The following MAPK10 variants were observed in gnomAD, a reference collection of about 807,000 sequenced individuals.
MAPK10 encodes the protein mitogen-activated protein kinase 10.
In MAPK10, 25 loss-of-function variants were observed where a neutral mutation model predicts 59.3. The observed-to-expected ratio is 0.42, with a 90% CI of 0.31 to 0.59. MAPK10 has a LOEUF of 0.59. MAPK10 is among the 20% of genes least tolerant of loss of function. The pLI is 0.15. For missense variants in MAPK10, 351 were observed against 568.9 expected (o/e 0.62, Z 3.90); for synonymous variants, 190 against 200.5 (o/e 0.95, Z 0.44).
At chr4:86,419,449 C>T (rs1017010739) in intron 1 of MAPK10, among the ~76,000 whole-genome samples, 7 of 152,146 alleles carry the variant, frequency 4.6e-5, no homozygotes, top group African/African-American at 1.7e-4. Context: ...ACAACTTATG[C>T]AGCATTATCT....
chr4:86,093,341 C>A (rs907763224), intron 9 of MAPK10, among the ~76,000 whole-genome samples: 3 of 151,868 alleles, frequency 2.0e-5, no homozygotes, highest in African/African-American at 7.2e-5. Context: ...GACAAATTTT[C>A]TCTCAATGAA....
chr4:86,070,978 CA>C (rs1406193258), intron 9 of MAPK10, among the ~76,000 whole-genome samples: 1 of 152,010 alleles, frequency 6.6e-6, no homozygotes, highest in East Asian at 1.9e-4. Flanking sequence ...CTGACTTCCA[CA>C]ATGGTTGAAC....
intron 6 of MAPK10, 23 bp from the exon 7 acceptor site, chr4:86,102,055 T>G: frequency 6.2e-7 from 1 of 1,611,170 alleles, no homozygotes; most frequent in Non-Finnish European, 8.5e-7. Context: ...ATCCACAGTG[T>G]TAGTTCCAGA....
At chr4:86,256,975 A>ATT (rs201315197) in intron 2 of MAPK10, among the ~76,000 whole-genome samples, 1 of 125,434 alleles carries the variant, frequency 8.0e-6, no homozygotes, top group African/African-American at 4.3e-5. Flanking sequence ...GATGGTCTCG[A>ATT]TCTTAACCTC....
At chr4:86,435,796 G>C (rs1209513664) in intron 1 of MAPK10, among the ~76,000 whole-genome samples, 1 of 152,106 alleles carries the variant, frequency 6.6e-6, no homozygotes, top group Admixed American at 6.6e-5. Flanking sequence ...GGCTTACTTA[G>C]TTAATAGTAT....
chr4:86,189,434 T>C (rs1038458861), intron 3 of MAPK10, among the ~76,000 whole-genome samples: 38 of 152,106 alleles, frequency 2.5e-4, no homozygotes, highest in African/African-American at 8.2e-4. Context: ...TTCAGCCATG[T>C]TTTGTAGTTC....
intron 1 of MAPK10, among the ~76,000 whole-genome samples, chr4:86,545,033 T>G (rs1759037267): frequency 6.6e-6 from 1 of 152,204 alleles, no homozygotes; most frequent in African/African-American, 2.4e-5. Context: ...TGGCCATGTT[T>G]CTGTGTTGTT....
chr4:86,255,807 T>C (rs1013275473), intron 2 of MAPK10, among the ~76,000 whole-genome samples: 1 of 152,206 alleles, frequency 6.6e-6, no homozygotes, highest in Non-Finnish European at 1.5e-5. Context: ...TATTTAGTAA[T>C]GTTATTTGTC....
At chr4:86,124,705 T>G (rs1041432221) in intron 4 of MAPK10, 2 of 152,068 alleles carry the variant, frequency 1.3e-5, no homozygotes, top group Non-Finnish European at 2.9e-5. Flanking sequence ...GATTCCATAA[T>G]CATACTTTAG....
At chr4:86,589,553 G>T (rs1375491622) in intron 1 of MAPK10, among the ~76,000 whole-genome samples, 2 of 151,910 alleles carry the variant, frequency 1.3e-5, no homozygotes, top group Non-Finnish European at 2.9e-5. Context: ...GTGGTGGCTT[G>T]TGCCTGTAAT....
intron 1 of MAPK10, among the ~76,000 whole-genome samples, chr4:86,380,972 G>T (rs1189130138): frequency 6.6e-6 from 1 of 151,936 alleles, no homozygotes; most frequent in Middle Eastern, 3.2e-3. Flanking sequence ...CGCCTCATTT[G>T]TAACAACCCT....
intron 1 of MAPK10, among the ~76,000 whole-genome samples, chr4:86,445,532 C>A (rs1288126817): frequency 2.0e-5 from 3 of 152,132 alleles, no homozygotes; most frequent in Non-Finnish European, 4.4e-5. Flanking sequence ...TGTAACAAAC[C>A]TGCACATCCT....
In MAPK10 at chr4:86,269,964, T is replaced by C. The variant is rs148234819; in HGVS notation, c.-6-75557A>G. On this transcript the variant is annotated intron_variant, in intron 2 of 13. Transcript: ENST00000641462. ...CTGTTTTCCTGTGAATTGTATATTATAGTCCAAAAATTCTGAAAGGTGTTT... is the reference window on the plus strand; with the variant it reads ...CTGTTTTCCTGTGAATTGTATATTACAGTCCAAAAATTCTGAAAGGTGTTT... Among the ~76,000 whole-genome samples, 57 of 152,270 alleles carry C rather than the reference T, an allele frequency of 3.7e-4. 1 individual carries two copies. The East Asian group carries it at 0.01, about 28-fold the overall frequency.
intron 11 of MAPK10, among the ~76,000 whole-genome samples, chr4:86,051,771 T>TG (rs1413820093): frequency 6.6e-6 from 1 of 152,228 alleles, no homozygotes; most frequent in Non-Finnish European, 1.5e-5. Context: ...TTTCTGTGTG[T>TG]TTTTGTTGTT....
intron 1 of MAPK10, among the ~76,000 whole-genome samples, chr4:86,492,214 G>A (rs1426303750): frequency 1.3e-5 from 2 of 152,182 alleles, no homozygotes; most frequent in Admixed American, 1.3e-4. Flanking sequence ...CAGTTACCCA[G>A]AAGGTAGGTC....
intron 2 of MAPK10, among the ~76,000 whole-genome samples, chr4:86,248,998 G>A (rs916945448): frequency 2.6e-5 from 4 of 152,120 alleles, no homozygotes; most frequent in African/African-American, 9.7e-5. Flanking sequence ...TTTAGCACAG[G>A]AAAATATAGA....
At chr4:86,555,390 A>G (rs1159062087) in intron 1 of MAPK10, among the ~76,000 whole-genome samples, 3 of 152,136 alleles carry the variant, frequency 2.0e-5, no homozygotes, top group Admixed American at 6.5e-5. Flanking sequence ...AGGTTGCAGT[A>G]AGCCAAGATC....
At chr4:86,545,623 G>T (rs1759088761) in intron 1 of MAPK10, among the ~76,000 whole-genome samples, 1 of 152,168 alleles carries the variant, frequency 6.6e-6, no homozygotes, top group South Asian at 2.1e-4. Flanking sequence ...GTGGGCAAAT[G>T]GTGGGACATC....
chr4:86,140,698 T>A (rs927295492), intron 4 of MAPK10, among the ~76,000 whole-genome samples: 1 of 151,172 alleles, frequency 6.6e-6, no homozygotes, highest in African/African-American at 2.4e-5. Context: ...AAAAAAAAAA[T>A]TAAAGGAAAT....
Sources: allele counts gnomAD v4.1 joint callset (sites outside exome capture counted in the v4.1 genomes callset), GRCh38; gene constraint gnomAD v4.1.1; transcripts MANE v1.5; gene names NCBI Gene and HGNC (gene_info 2026-07-23, HGNC 2026-07-21).